The following MGAT5 variants were observed in gnomAD, a reference collection of about 807,000 sequenced individuals.
MGAT5 encodes alpha-1,6-mannosylglycoprotein 6-beta-N-acetylglucosaminyltransferase, also known as alpha-1,6-mannosylglycoprotein 6-beta-N-acetylglucosaminyltransferase A.
Under a neutral mutation model 94.3 loss-of-function variants are expected in MGAT5, and 30 were observed. The observed-to-expected ratio is 0.32, with a 90% confidence interval of 0.24 to 0.43. The LOEUF (loss-of-function observed/expected upper bound fraction) is 0.43, where lower values mean the gene tolerates loss of function less well. MGAT5 is among the 20% of genes least tolerant of loss of function. The pLI, the probability that MGAT5 is intolerant of heterozygous loss-of-function variation, is 1.00. For missense variants in MGAT5, 691 were observed against 905.5 expected (o/e 0.76, Z 3.04); for synonymous variants, 310 against 322.9 (o/e 0.96, Z 0.43).
intron 1 of MGAT5, among the ~76,000 whole-genome samples, chr2:134,222,246 TC>T (rs1481142255): frequency 7.7e-6 from 1 of 129,528 alleles, no homozygotes; most frequent in East Asian, 2.4e-4. Flanking sequence ...ACAAGGAATG[TC>T]TAATGTTAAT....
intron 1 of MGAT5, among the ~76,000 whole-genome samples, chr2:134,209,182 A>ATTTTTTC (rs1680188742): frequency 3.3e-5 from 1 of 30,496 alleles, no homozygotes; most frequent in Non-Finnish European, 4.4e-5. Flanking sequence ...TTTTTTTTTT[A>ATTTTTTC]TTTTTTAATT....
chr2:134,212,661 A>G (rs1452158205), intron 1 of MGAT5, among the ~76,000 whole-genome samples: 1 of 152,208 alleles, frequency 6.6e-6, no homozygotes, highest in Non-Finnish European at 1.5e-5. Context: ...GTTAAATCAG[A>G]GCTCTCTGGA....
intron 10 of MGAT5, among the ~76,000 whole-genome samples, chr2:134,389,479 C>T (rs553844772): frequency 2.0e-5 from 3 of 152,216 alleles, no homozygotes; most frequent in Admixed American, 6.5e-5. Context: ...TTCTAAGTGG[C>T]GTTTAGCCTC....
intron 2 of MGAT5, among the ~76,000 whole-genome samples, chr2:134,298,634 G>T (rs1685835906): frequency 6.6e-6 from 1 of 152,128 alleles, no homozygotes; most frequent in Admixed American, 6.5e-5. Flanking sequence ...TGAATTTCCA[G>T]ATGTTGGAAG....
At chr2:134,301,745 C>T (rs543374321) in intron 2 of MGAT5, among the ~76,000 whole-genome samples, 1 of 152,192 alleles carries the variant, frequency 6.6e-6, no homozygotes, top group East Asian at 1.9e-4. Context: ...GGAAGATAAA[C>T]GGTAACTGGA....
chr2:134,333,228 T>C (rs1450988659), intron 4 of MGAT5, among the ~76,000 whole-genome samples: 2 of 151,924 alleles, frequency 1.3e-5, no homozygotes, highest in Non-Finnish European at 2.9e-5. Context: ...ATGTGGCACA[T>C]ATACACCGTG....
chr2:134,129,802 G>A (rs192793603), intron 1 of MGAT5, among the ~76,000 whole-genome samples: 111 of 152,110 alleles, frequency 7.3e-4, no homozygotes, highest in African/African-American at 2.5e-3. Context: ...GCCCTCGCTC[G>A]CTCTCAGCAC....
At chr2:134,384,048 A>C (rs1681805868) in intron 10 of MGAT5, among the ~76,000 whole-genome samples, 1 of 152,088 alleles carries the variant, frequency 6.6e-6, no homozygotes, top group Admixed American at 6.6e-5. Flanking sequence ...TGGACATAAA[A>C]ATTTTATGTA....
intron 9 of MGAT5, among the ~76,000 whole-genome samples, chr2:134,353,977 C>T (rs1257256157): frequency 6.6e-6 from 1 of 152,190 alleles, no homozygotes; most frequent in African/African-American, 2.4e-5. Flanking sequence ...GGGTCCCTTT[C>T]TTCCCATGTG....
chr2:134,334,255 G>A (rs988396203), intron 4 of MGAT5, among the ~76,000 whole-genome samples: 3 of 151,986 alleles, frequency 2.0e-5, no homozygotes, highest in Admixed American at 1.3e-4. Context: ...AAATCACCTG[G>A]GACTGTATTT....
chr2:134,146,434 C>CCTATAGTG (rs1686923583), intron 1 of MGAT5, among the ~76,000 whole-genome samples: 1 of 151,880 alleles, frequency 6.6e-6, no homozygotes. Context: ...GTGTCATGAG[C>CCTATAGTG]CTATAGTGCT....
At chr2:134,441,993 C>T (rs2289468) in intron 15 of MGAT5, 78 bp downstream of exon 15, 32,595 of 1,500,150 alleles carry the variant, frequency 0.022, 818 homozygotes, top group East Asian at 0.14. Context: ...GTGAGAGGTA[C>T]AGGTTTCCTC....
At chr2:134,229,210 A>G (rs748981697) in intron 1 of MGAT5, among the ~76,000 whole-genome samples, 1 of 152,256 alleles carries the variant, frequency 6.6e-6, no homozygotes, top group Admixed American at 6.5e-5. Flanking sequence ...AATCTAATGC[A>G]ACCTTCTAGG....
intron 1 of MGAT5, among the ~76,000 whole-genome samples, chr2:134,258,620 G>T (rs1683128983): frequency 1.3e-5 from 2 of 151,712 alleles, no homozygotes; most frequent in African/African-American, 2.4e-5. Flanking sequence ...ACTGGATTTT[G>T]TGTGTGTGTG....
intron 9 of MGAT5, among the ~76,000 whole-genome samples, chr2:134,352,870 C>A (rs764510433): frequency 1.6e-4 from 25 of 152,028 alleles, no homozygotes; most frequent in Non-Finnish European, 2.9e-4. Context: ...ATTATTTAGC[C>A]TTAAAAAGGA....
At chr2:134,387,301 G>GATATATATATATATAT (rs1553458949) in intron 10 of MGAT5, among the ~76,000 whole-genome samples, 100 of 42,546 alleles carry the variant, frequency 2.4e-3, no homozygotes, top group South Asian at 5.5e-3. Context: ...AGTTATGTAT[G>GATATATATATATATAT]ATATATATAT....
chr2:134,193,942 G>C (rs1323838913), intron 1 of MGAT5, among the ~76,000 whole-genome samples: 3 of 152,172 alleles, frequency 2.0e-5, no homozygotes, highest in African/African-American at 7.2e-5. Flanking sequence ...CTGCTGCTCA[G>C]AATTGACCCT....
chr2:134,318,816 A>G, intron 4 of MGAT5, 77 bp downstream of exon 4: 1 of 1,041,542 alleles, frequency 9.6e-7, no homozygotes, highest in Non-Finnish European at 1.5e-6. Flanking sequence ...AAATTTGAAA[A>G]GCTTGAAAAC....
intron 1 of MGAT5, among the ~76,000 whole-genome samples, chr2:134,132,424 A>G (rs1209815845): frequency 6.6e-6 from 1 of 152,262 alleles, no homozygotes; most frequent in Non-Finnish European, 1.5e-5. Flanking sequence ...AGTTTCATAA[A>G]AAGTACTTAA....
Sources: allele counts gnomAD v4.1 joint callset (sites outside exome capture counted in the v4.1 genomes callset), GRCh38; gene constraint gnomAD v4.1.1; transcripts MANE v1.5; gene names NCBI Gene and HGNC (gene_info 2026-07-23, HGNC 2026-07-21).